ARL15: variants seen among roughly 807,000 people sequenced by gnomAD.
ARL15 encodes ADP-ribosylation factor-like protein 15.
In ARL15, 19 loss-of-function variants were observed where a neutral mutation model predicts 25.2. The observed-to-expected ratio is 0.75, with a 90% CI of 0.53 to 1.10. The LOEUF (loss-of-function observed/expected upper bound fraction) is 1.10, where lower values mean the gene tolerates loss of function less well. ARL15 is among the 50% of genes least tolerant of loss of function. The pLI is 0.00. For synonymous variants in ARL15, 94 were observed against 86.8 expected (o/e 1.08, Z -0.46); for missense variants, 220 against 246.0 (o/e 0.89, Z 0.71).
chr5:53,919,668 T>G (rs984261713), intron 4 of ARL15, among the ~76,000 whole-genome samples: 1 of 41,146 alleles, frequency 2.4e-5, no homozygotes, highest in Admixed American at 1.9e-4. Context: ...GGTCTATTTC[T>G]ACTGAATGGC....
At position 54,277,596 on chromosome 5, in the gene ARL15, A is replaced by G. The variant is rs145437287; in HGVS notation, c.48+32836T>C. Among the ~76,000 whole-genome samples the G allele has an allele frequency of 6.3e-3, 954 of 152,104 alleles. 7 individuals are homozygous for G. Among genetic ancestry groups the G allele is most frequent in the African/African-American group, 0.022 (913 of 41,496 alleles). Reference sequence around the variant, plus strand: ...GAAACCACGTCTCTACTAAAAATACAAAAAAATTAGCCGGGCGTGGTGGCG... The same window carrying G: ...GAAACCACGTCTCTACTAAAAATACGAAAAAATTAGCCGGGCGTGGTGGCG... On this transcript the variant is annotated intron_variant, in intron 1 of 4. Coordinates refer to ENST00000504924, the MANE Select transcript of ARL15 (RefSeq NM_019087.3).
chr5:54,008,276 T>C (rs1048632601), intron 4 of ARL15, among the ~76,000 whole-genome samples: 10 of 152,166 alleles, frequency 6.6e-5, no homozygotes, highest in African/African-American at 2.2e-4. Flanking sequence ...TGTGTCTTAA[T>C]AAATATCAGG....
At chr5:54,015,376 T>C (rs115747009) in intron 4 of ARL15, among the ~76,000 whole-genome samples, 2,101 of 151,028 alleles carry the variant, frequency 0.014, 22 homozygotes, top group Middle Eastern at 0.035. Context: ...AAATCCAAAA[T>C]GTGAAACACT....
chr5:53,970,100 G>A (rs1747687327), intron 4 of ARL15, among the ~76,000 whole-genome samples: 2 of 152,082 alleles, frequency 1.3e-5, no homozygotes. Flanking sequence ...TGAAGTTTGA[G>A]AGGAAACTCC....
intron 1 of ARL15, among the ~76,000 whole-genome samples, chr5:54,287,666 T>A (rs1304762355): frequency 6.6e-6 from 1 of 152,154 alleles, no homozygotes; most frequent in Non-Finnish European, 1.5e-5. Context: ...TGCATTCATA[T>A]GAATATACAA....
chr5:54,206,718 T>C lies in ARL15; in HGVS notation c.49-34790A>G, dbSNP rs546295322. Among the ~76,000 whole-genome samples, 16 of 152,212 alleles carry C rather than the reference T, an allele frequency of 1.1e-4. No homozygotes were observed. In the South Asian group the frequency reaches 3.1e-3, roughly 30 times the overall value. On this transcript the variant is annotated intron_variant, in intron 1 of 4. Coordinates refer to ENST00000504924, the MANE Select transcript of ARL15 (RefSeq NM_019087.3). ...AGGGGAAAAAGAACTTGATTTGTCA[T>C]AGAAATTGAAAAAGCTAGCATGGTC...
At chr5:54,078,874 T>C (rs1751698673) in intron 4 of ARL15, among the ~76,000 whole-genome samples, 1 of 152,168 alleles carries the variant, frequency 6.6e-6, no homozygotes, top group African/African-American at 2.4e-5. Flanking sequence ...AGTGCTATTA[T>C]AAATAACATG....
At chr5:54,220,706 A>G (rs1012918004) in intron 1 of ARL15, among the ~76,000 whole-genome samples, 2 of 152,184 alleles carry the variant, frequency 1.3e-5, no homozygotes, top group African/African-American at 2.4e-5. Context: ...GTGAAATTAA[A>G]CAGTCAATCC....
At chr5:54,221,121 C>A (rs545897229) in intron 1 of ARL15, among the ~76,000 whole-genome samples, 1 of 152,134 alleles carries the variant, frequency 6.6e-6, no homozygotes, top group African/African-American at 2.4e-5. Flanking sequence ...TGGGCATATA[C>A]GAGAATTTTG....
chr5:53,985,596 G>A (rs1036730114), intron 4 of ARL15, among the ~76,000 whole-genome samples: 1 of 151,972 alleles, frequency 6.6e-6, no homozygotes, highest in Non-Finnish European at 1.5e-5. Context: ...TTCATTTAGC[G>A]TAATGTCCTC....
chr5:54,188,630 C>G lies in ARL15; in HGVS notation c.49-16702G>C, dbSNP rs116966995. ...GAGAGGATCAGGGCTCACTTGGGAC[C>G]CACACAAGAGGAATAAGACATCACC... On this transcript the variant is annotated intron_variant, in intron 1 of 4. Coordinates refer to ENST00000504924, the MANE Select transcript of ARL15 (RefSeq NM_019087.3). Among the ~76,000 whole-genome samples, 172 of 152,154 alleles carry G rather than the reference C, an allele frequency of 1.1e-3. 2 individuals carry two copies. In the East Asian group the frequency reaches 0.018, roughly 16 times the overall value.
intron 4 of ARL15, among the ~76,000 whole-genome samples, chr5:54,023,867 A>C (rs182870014): frequency 3.9e-5 from 6 of 152,308 alleles, no homozygotes; most frequent in Non-Finnish European, 8.8e-5. Flanking sequence ...TTTTGTCACG[A>C]ACCATCGTGT....
At chr5:54,139,624 T>A (rs538953657) in intron 3 of ARL15, among the ~76,000 whole-genome samples, 3 of 152,214 alleles carry the variant, frequency 2.0e-5, no homozygotes, top group African/African-American at 4.8e-5. Context: ...AAACAATTCA[T>A]CCATGTAACC....
At chr5:54,029,284 ATAGT>A (rs1424709425) in intron 4 of ARL15, among the ~76,000 whole-genome samples, 1 of 150,732 alleles carries the variant, frequency 6.6e-6, no homozygotes, top group Non-Finnish European at 1.5e-5. Context: ...TGTCTGGAAA[ATAGT>A]TAATTTATAA....
intron 1 of ARL15, chr5:54,282,469 TC>T: frequency 1.0e-6 from 1 of 985,442 alleles, no homozygotes. Flanking sequence ...CTGAATTTCT[TC>T]CGTCTGTTTT....
At chr5:54,222,491 G>A (rs560595206) in intron 1 of ARL15, among the ~76,000 whole-genome samples, 1 of 152,312 alleles carries the variant, frequency 6.6e-6, no homozygotes, top group South Asian at 2.1e-4. Context: ...AGTGTTCTAG[G>A]AGCTTCTCGT....
rs1207163867 is a variant in ARL15, at chr5:54,273,495, CA to C, written c.48+36936del. Among the ~76,000 whole-genome samples the C allele has an allele frequency of 4.0e-5, 6 of 151,602 alleles. No homozygotes were observed. The East Asian group carries it at 9.7e-4, about 24-fold the overall frequency. The stretch of plus-strand genomic sequence containing the variant: ...TTCAAAAATGTCAAGGACTAAAAGA[CA>C]AAAAAAAGTTGAGAAATTATTCCAG... On this transcript the variant is annotated intron_variant, in intron 1 of 4. Coordinates refer to ENST00000504924, the MANE Select transcript of ARL15 (RefSeq NM_019087.3).
chr5:54,237,090 G>A (rs955019026), intron 1 of ARL15, among the ~76,000 whole-genome samples: 1 of 152,214 alleles, frequency 6.6e-6, no homozygotes, highest in Non-Finnish European at 1.5e-5. Flanking sequence ...TAATCCCCAC[G>A]TGTTGTGGGA....
chr5:54,212,779 T>C (rs1341504334), intron 1 of ARL15, among the ~76,000 whole-genome samples: 1 of 151,852 alleles, frequency 6.6e-6, no homozygotes, highest in Non-Finnish European at 1.5e-5. Flanking sequence ...GTGGTAGGGG[T>C]GGGGAACAAA....
Sources: gnomAD v4.1 joint callset for allele counts (sites outside exome capture counted in the v4.1 genomes callset) on GRCh38, gnomAD v4.1.1 for gene constraint, MANE v1.5 for transcripts, NCBI Gene and HGNC (gene_info 2026-07-23, HGNC 2026-07-21) for gene names.